PCSK5: variants seen among roughly 807,000 people sequenced by gnomAD.
PCSK5 encodes prohormone convertase 5.
In PCSK5, 129 loss-of-function variants were observed where a neutral mutation model predicts 233.2. The ratio of observed to expected loss-of-function variants is 0.55; its 90% CI spans 0.48 to 0.64. The LOEUF (loss-of-function observed/expected upper bound fraction) is 0.64, where lower values mean the gene tolerates loss of function less well. Ranked by LOEUF, PCSK5 falls within the 30% of genes least tolerant of loss-of-function variation. PCSK5 has a pLI of 0.00. For synonymous variants in PCSK5, 825 were observed against 879.2 expected (o/e 0.94, Z 1.09); for missense variants, 2,076 against 2,430.1 (o/e 0.85, Z 3.06).
intron 10 of PCSK5, among the ~76,000 whole-genome samples, chr9:76,146,957 G>A (rs1823466938): frequency 6.6e-6 from 1 of 152,028 alleles, no homozygotes; most frequent in African/African-American, 2.4e-5. Context: ...TATGAATTTT[G>A]CCTCCCCTAT....
At chr9:75,893,531 G>A (rs548257173) in intron 1 of PCSK5, among the ~76,000 whole-genome samples, 2 of 152,292 alleles carry the variant, frequency 1.3e-5, no homozygotes, top group South Asian at 4.1e-4. Context: ...GGCAGAAACA[G>A]CTGTTACCTT....
intron 16 of PCSK5, among the ~76,000 whole-genome samples, chr9:76,183,120 T>C (rs1823945996): frequency 6.6e-6 from 1 of 152,126 alleles, no homozygotes; most frequent in East Asian, 1.9e-4. Context: ...CAGTATTCCT[T>C]GTGAGGAAAA....
At chr9:76,074,264 C>A (rs1830570107) in intron 7 of PCSK5, among the ~76,000 whole-genome samples, 1 of 152,112 alleles carries the variant, frequency 6.6e-6, no homozygotes, top group Non-Finnish European at 1.5e-5. Context: ...GAATAGAACT[C>A]ATTTATTTTA....
chr9:75,898,330 T>C (rs545672817), intron 1 of PCSK5, among the ~76,000 whole-genome samples: 3 of 152,308 alleles, frequency 2.0e-5, no homozygotes, highest in South Asian at 2.1e-4. Context: ...AAGCCAGAGG[T>C]AGTGCTAATG....
At chr9:76,336,348 C>G (rs919505239) in intron 34 of PCSK5, among the ~76,000 whole-genome samples, 1 of 152,048 alleles carries the variant, frequency 6.6e-6, no homozygotes, top group African/African-American at 2.4e-5. Flanking sequence ...TAGTGTTGCA[C>G]CAGAGAAAAC....
intron 3 of PCSK5, among the ~76,000 whole-genome samples, chr9:76,001,288 A>ACC (rs995300643): frequency 2.0e-5 from 3 of 151,946 alleles, no homozygotes; most frequent in African/African-American, 7.2e-5. Context: ...AATGTATCCC[A>ACC]CACATGTCAT....
chr9:76,123,310 T>C (rs1832720837), intron 9 of PCSK5, among the ~76,000 whole-genome samples: 1 of 152,236 alleles, frequency 6.6e-6, no homozygotes, highest in Admixed American at 6.5e-5. Context: ...CTCCCATTCA[T>C]GAATCTTTGT....
intron 16 of PCSK5, 21 bp downstream of exon 16, chr9:76,181,612 TG>T (rs774896430): frequency 5.1e-6 from 8 of 1,555,466 alleles, no homozygotes; most frequent in Non-Finnish European, 7.0e-6. Flanking sequence ...TTCAAATACT[TG>T]GGTTTTAGAG....
intron 5 of PCSK5, among the ~76,000 whole-genome samples, chr9:76,046,477 A>AT (rs1829401039): frequency 6.8e-6 from 1 of 148,130 alleles, no homozygotes; most frequent in Admixed American, 6.7e-5. Flanking sequence ...CGCCCAGCCA[A>AT]TTTTTTCTTT....
At chr9:76,079,789 T>C (rs2131617601) in intron 7 of PCSK5, among the ~76,000 whole-genome samples, 1 of 152,332 alleles carries the variant, frequency 6.6e-6, no homozygotes, top group East Asian at 1.9e-4. Context: ...CAGTGCCTTG[T>C]TGGCTGTGAG....
Position 76,360,828 on chromosome 9 carries a change from A to AG in PCSK5, c.*1908dup, listed in dbSNP as rs1345660936. The AG allele has an allele frequency of 6.6e-6, 1 of 152,202 alleles. No individual in the cohort carries two copies. The highest frequency in any genetic ancestry group is 2.4e-5 in the African/African-American group (1 of 41,452). The allele number at this position is 152,202 out of a possible 1,614,324, so 9.4% of individuals were successfully genotyped here. A position where few individuals can be genotyped will look rare whatever the true frequency, so the allele number is the denominator to read the frequency against. On this transcript the variant is annotated 3_prime_UTR_variant, in exon 38 of 38. Transcript: ENST00000674117. Reference sequence around the variant, plus strand: ...TTATGGACACTGACATTTGAAATTCAGGTAATTTTCACATATTATAAAATT... The same window carrying AG: ...TTATGGACACTGACATTTGAAATTCAGGGTAATTTTCACATATTATAAAATT...
chr9:76,005,105 T>C (rs1034384953), intron 3 of PCSK5, among the ~76,000 whole-genome samples: 2 of 152,202 alleles, frequency 1.3e-5, no homozygotes, highest in African/African-American at 4.8e-5. Context: ...TTATTAACCA[T>C]ATCCATACAT....
intron 20 of PCSK5, among the ~76,000 whole-genome samples, chr9:76,226,599 T>G (rs1466513433): frequency 6.6e-6 from 1 of 152,116 alleles, no homozygotes; most frequent in East Asian, 1.9e-4. Context: ...TGAGGTCCAG[T>G]GGAGGTTGTG....
intron 21 of PCSK5, among the ~76,000 whole-genome samples, chr9:76,229,798 A>G (rs969775245): frequency 6.6e-6 from 1 of 152,230 alleles, no homozygotes; most frequent in African/African-American, 2.4e-5. Flanking sequence ...CGCCAGTGTT[A>G]AGATCATCTC....
chr9:75,926,058 C>T (rs150150523), intron 1 of PCSK5, among the ~76,000 whole-genome samples: 9 of 152,304 alleles, frequency 5.9e-5, no homozygotes, highest in African/African-American at 1.9e-4. Flanking sequence ...CAGGTAGGAA[C>T]AAGTGTGAGC....
chr9:76,084,752 A>G (rs1830992759), intron 7 of PCSK5, among the ~76,000 whole-genome samples: 2 of 152,154 alleles, frequency 1.3e-5, no homozygotes, highest in African/African-American at 4.8e-5. Flanking sequence ...CAGACAGATC[A>G]GTTTCCTTCA....
At chr9:76,187,008 G>GAACA (rs760023085) in intron 17 of PCSK5, among the ~76,000 whole-genome samples, 7 of 151,850 alleles carry the variant, frequency 4.6e-5, no homozygotes, top group Non-Finnish European at 8.8e-5. Context: ...TAGTGGTGAA[G>GAACA]AACAAACAGG....
chr9:76,268,343 A>C (rs1827403628), intron 24 of PCSK5, among the ~76,000 whole-genome samples: 1 of 152,130 alleles, frequency 6.6e-6, no homozygotes, highest in Non-Finnish European at 1.5e-5. Context: ...CCTGAATCAT[A>C]ATTCACTACT....
chr9:76,059,715 C>A (rs1447335459), intron 5 of PCSK5, among the ~76,000 whole-genome samples: 1 of 151,946 alleles, frequency 6.6e-6, no homozygotes, highest in African/African-American at 2.4e-5. Context: ...GCTGAAAATT[C>A]TGAGGAATTA....
Sources: allele counts gnomAD v4.1 joint callset (sites outside exome capture counted in the v4.1 genomes callset), GRCh38; gene constraint gnomAD v4.1.1; transcripts MANE v1.5; gene names NCBI Gene and HGNC (gene_info 2026-07-23, HGNC 2026-07-21).